The following GPT variants were observed in gnomAD, a reference collection of about 807,000 sequenced individuals.
GPT encodes alanine aminotransferase 1.
In GPT, 60 loss-of-function variants were observed where a neutral mutation model predicts 51.4. The observed-to-expected ratio is 1.17, with a 90% CI of 0.95 to 1.45. The LOEUF (loss-of-function observed/expected upper bound fraction) is 1.45, where lower values mean the gene tolerates loss of function less well. Ranked by LOEUF, GPT falls within the 40% of genes most tolerant of loss-of-function variation. GPT has a pLI of 0.00. For missense variants in GPT, 853 were observed against 704.0 expected (o/e 1.21, Z -2.40); for synonymous variants, 397 against 303.1 (o/e 1.31, Z -3.22).
In GPT at chr8:144,504,481, C is replaced by A; in HGVS notation, c.162+15C>A. 6.2e-7 allele frequency: 1 copy of A among 1,606,966 alleles called. No individual in the cohort carries two copies. The highest frequency in any genetic ancestry group is 8.5e-7 in the Non-Finnish European group (1 of 1,178,552). The stretch of plus-strand genomic sequence containing the variant: ...AGCTGCGCCAGGTATGGCCCAGGGC[C>A]CCTCGCTGCCCTCCAGGTCACAATG... On this transcript the variant is annotated intron_variant, in intron 1 of 10. Coordinates refer to ENST00000394955, the MANE Select transcript of GPT (RefSeq NM_005309.3).
rs1158163216 is a variant in GPT at position 144,504,172 on chromosome 8, CT to C, written c.-131del. 4.3e-6 allele frequency: 4 copies of C among 939,496 alleles called. No homozygotes were observed. In the African/African-American group the frequency reaches 6.4e-5, roughly 15 times the overall value. 58.2% of individuals were successfully genotyped at this position (939,496 alleles called of 1,614,324 possible). On this transcript the variant is annotated 5_prime_UTR_variant, in exon 1 of 11. Transcript: ENST00000394955. ...CCAGCTGCGGTGAAGAGGGTGCTCTCTTGCCTGGAGTTCCCTCTGCTACGGC... is the reference window on the plus strand; with the variant it reads ...CCAGCTGCGGTGAAGAGGGTGCTCTCTGCCTGGAGTTCCCTCTGCTACGGC...
Position 144,505,038 on chromosome 8 carries a change from G to C in GPT, c.402G>C (p.Glu134Asp). The C allele has an allele frequency of 6.2e-7, 1 of 1,613,178 alleles. No homozygotes were observed. The highest frequency in any genetic ancestry group is 1.1e-5 in the South Asian group (1 of 91,086). ...GCTCCGGCATCCAGCTGATCCGGGAGGACGTGGCGCGGTACATTGAGAGGC... is the reference window on the plus strand; with the variant it reads ...GCTCCGGCATCCAGCTGATCCGGGACGACGTGGCGCGGTACATTGAGAGGC... Reference protein sequence around the residue: ...SVSSGIQLIREDVARYIERRD... With the variant: ...SVSSGIQLIRDDVARYIERRD... Residue 134 changes from glutamate to aspartate, a missense_variant, in exon 4 of 11, where the codon GAG (glutamate) becomes GAC (aspartate). Physicochemically the swap from Glu to Asp is conservative, Grantham distance 45. Transcript: ENST00000394955.
chr8:144,507,114 G>GGGGGGGGGGGGGGGGGGGGGGCCC lies in GPT; in HGVS notation c.*114_*115insGGGGGGGGGGGGGGGGGGGGGCCC. The GGGGGGGGGGGGGGGGGGGGGGCCC allele has an allele frequency of 6.0e-6, 3 of 498,332 alleles. 1 individual carries two copies. Among genetic ancestry groups the GGGGGGGGGGGGGGGGGGGGGGCCC allele is most frequent in the Non-Finnish European group, 1.2e-5 (3 of 254,518 alleles). The allele number at this position is 498,332 out of a possible 1,614,324, so 30.9% of individuals were successfully genotyped here. A position where few individuals can be genotyped will look rare whatever the true frequency, so the allele number is the denominator to read the frequency against. ...TGCCTGGCGGGGTGGGGTGGGGGGG[G>GGGGGGGGGGGGGGGGGGGGGGCCC]TGCTGGGCCCCTGCCTCTCTGCAGG... is the stretch of plus-strand genomic sequence containing the variant. On this transcript the variant is annotated 3_prime_UTR_variant, in exon 11 of 11. Coordinates refer to ENST00000394955, the MANE Select transcript of GPT (RefSeq NM_005309.3).
chr8:144,506,695 G>GGCC lies in GPT; in HGVS notation c.1288-36_1288-35insGCC. On this transcript the variant is annotated intron_variant, in intron 9 of 10. Transcript: ENST00000394955. The surrounding 1 kb of genome is among the most constrained non-coding windows in gnomAD (Gnocchi z 7.0). ...GGGGCCTGCGGGGTGGGCAGGGGGG[G>GGCC]CCGGGCATCCCTCTCTGACGGCTCT... 6.7e-7 allele frequency: 1 copy of GGCC among 1,498,210 alleles called. No homozygotes were observed. The highest frequency in any genetic ancestry group is 9.2e-7 in the Non-Finnish European group (1 of 1,082,324). The allele number at this position is 1,498,210 out of a possible 1,614,324, so 92.8% of individuals were successfully genotyped here. A position where few individuals can be genotyped will look rare whatever the true frequency, so the allele number is the denominator to read the frequency against.
In GPT at chr8:144,504,255, C is replaced by T. The variant is rs2130611012; in HGVS notation, c.-50C>T. On this transcript the variant is annotated 5_prime_UTR_variant, in exon 1 of 11. Transcript: ENST00000394955. ...GACCCAGCTGTCGCCATTCCCACTT[C>T]TGGTCCTGCCACCTCCTGAGCTGCC... The T allele has an allele frequency of 1.3e-6, 2 of 1,590,406 alleles. No individual in the cohort carries two copies. The highest frequency in any genetic ancestry group is 2.2e-5 in the East Asian group (1 of 44,582).
intron 5 of GPT, 110 bp downstream of exon 5, chr8:144,505,599 C>T: frequency 6.7e-6 from 2 of 300,076 alleles, no homozygotes; most frequent in Non-Finnish European, 1.1e-5. Flanking sequence ...CCCCGCCCCA[C>T]TCCCCCCGCG....
rs755869216 is a variant in GPT, at chr8:144,506,688, AG to A, written c.1288-36del. On this transcript the variant is annotated intron_variant, in intron 9 of 10. Transcript: ENST00000394955. This position sits in a 1 kb window ranked among gnomAD's most constrained non-coding sequence, Gnocchi z 7.0. Reference sequence around the variant, plus strand: ...CGGGGGCGGGGCCTGCGGGGTGGGCAGGGGGGGCCGGGCATCCCTCTCTGAC... The same window carrying A: ...CGGGGGCGGGGCCTGCGGGGTGGGCAGGGGGGCCGGGCATCCCTCTCTGAC... 7.8e-5 allele frequency: 72 copies of A among 925,586 alleles called. No homozygotes were observed. The highest frequency in any genetic ancestry group is 9.4e-5 in the Non-Finnish European group (59 of 625,996). 57.3% of individuals were successfully genotyped at this position (925,586 alleles called of 1,614,324 possible).
chr8:144,506,063 G>A lies in GPT; in HGVS notation c.888G>A (p.Met296Ile). The A allele has an allele frequency of 1.2e-6, 2 of 1,612,432 alleles. No individual in the cohort carries two copies. The highest frequency in any genetic ancestry group is 2.7e-5 in the African/African-American group (2 of 75,044). ...CATTCAAGAAGGTGCTCATGGAGAT[G>A]GGGCCGCCCTACGCCGGGCAGCAGG... ...FHSFKKVLME[M>I]GPPYAGQQEL... Residue 296 changes from methionine (M) to isoleucine (I), a missense_variant, in exon 7 of 11, where the codon ATG (methionine) becomes ATA (isoleucine). Coordinates refer to ENST00000394955, the MANE Select transcript of GPT (RefSeq NM_005309.3). The surrounding 1 kb of genome is among the most constrained non-coding windows in gnomAD (Gnocchi z 7.0).
At position 144,505,958 on chromosome 8, in the gene GPT, CA is replaced by C. The variant is rs55939267; in HGVS notation, c.819+33del. Reference sequence around the variant, plus strand: ...CGGCGCGGGGGAGCGGGAAGCCGGGCAACAGTCCGCCCCCGTGACGCCTTGC... The same window carrying C: ...CGGCGCGGGGGAGCGGGAAGCCGGGCACAGTCCGCCCCCGTGACGCCTTGC... On this transcript the variant is annotated intron_variant, in intron 6 of 10. Coordinates refer to ENST00000394955, the MANE Select transcript of GPT (RefSeq NM_005309.3). 49 of 1,611,998 alleles carry C rather than the reference CA, an allele frequency of 3.0e-5. No individual in the cohort carries two copies. In the Admixed American group the frequency reaches 8.2e-4, roughly 27 times the overall value.
chr8:144,505,169 G>A lies in GPT; in HGVS notation c.495+38G>A, dbSNP rs576608308. ...TGGGCACCAAGACATTCCTGACACT[G>A]CAGAGGGGGCGCCCAGGGTGGGGGA... On this transcript the variant is annotated intron_variant, in intron 4 of 10. Transcript: ENST00000394955. 6 of 1,612,796 alleles carry A rather than the reference G, an allele frequency of 3.7e-6. No homozygotes were observed. The South Asian group carries it at 5.5e-5, about 15-fold the overall frequency.
rs1054383694 is a variant in GPT at position 144,505,505 on chromosome 8, C to A, written c.739+16C>A. On this transcript the variant is annotated intron_variant, in intron 5 of 10. Coordinates refer to ENST00000394955, the MANE Select transcript of GPT (RefSeq NM_005309.3). ...AACCCCACCGGTGCGTTCCCCGCCG[C>A]CCCGCCCCACTCCCCCCGCGCCCAC... 6.5e-7 allele frequency: 1 copy of A among 1,532,242 alleles called. No individual in the cohort carries two copies. The highest frequency in any genetic ancestry group is 8.8e-7 in the Non-Finnish European group (1 of 1,141,906). 94.9% of individuals were successfully genotyped at this position (1,532,242 alleles called of 1,614,324 possible).
Position 144,504,257 on chromosome 8 carries a change from G to C in GPT, c.-48G>C, listed in dbSNP as rs1826672395. The C allele has an allele frequency of 6.3e-7, 1 of 1,591,760 alleles. No homozygotes were observed. The highest frequency in any genetic ancestry group is 1.1e-5 in the South Asian group (1 of 89,492). The stretch of plus-strand genomic sequence containing the variant: ...CCCAGCTGTCGCCATTCCCACTTCT[G>C]GTCCTGCCACCTCCTGAGCTGCCTT... On this transcript the variant is annotated 5_prime_UTR_variant, in exon 1 of 11. Transcript: ENST00000394955.
chr8:144,505,553 C>G (rs1216151294), intron 5 of GPT, 64 bp downstream of exon 5: 8 of 1,148,340 alleles, frequency 7.0e-6, no homozygotes, highest in Non-Finnish European at 9.5e-6. Context: ...GCCGCCCCGC[C>G]CCACTCCCCC....
chr8:144,505,189 G>T, intron 4 of GPT, 57 bp from the exon 5 acceptor site: 1 of 1,612,624 alleles, frequency 6.2e-7, no homozygotes, highest in South Asian at 1.1e-5. Flanking sequence ...CGCCCAGGGT[G>T]GGGGACAGGT....
intron 5 of GPT, 105 bp from the exon 6 acceptor site, chr8:144,505,743 G>C: frequency 9.8e-7 from 1 of 1,020,808 alleles, no homozygotes; most frequent in Non-Finnish European, 1.4e-6. Context: ...GCACCCACGT[G>C]CGCCCTGGCC....
chr8:144,505,512 C>T (rs1488337095), intron 5 of GPT, 23 bp downstream of exon 5: 1 of 1,522,170 alleles, frequency 6.6e-7, no homozygotes. Flanking sequence ...CCGCCCCGCC[C>T]CACTCCCCCC....
At chr8:144,505,954 C>G (rs377001173) in intron 6 of GPT, 27 bp downstream of exon 6, 305 of 1,611,806 alleles carry the variant, frequency 1.9e-4, no homozygotes, top group Non-Finnish European at 2.3e-4. Context: ...AGCGGGAAGC[C>G]GGGCAACAGT....
chr8:144,506,107 C>T lies in GPT; in HGVS notation c.932C>T (p.Ser311Phe). ...CAGCAGGAGCTTGCCTCCTTCCACT[C>T]CACCTCCAAGGGCTACATGGGCGAG... Reference protein sequence around the residue: ...AGQQELASFHSTSKGYMGECG... With the variant: ...AGQQELASFHFTSKGYMGECG... The change falls in exon 7 of 11, where the codon TCC (serine) becomes TTC (phenylalanine). Residue 311 changes from serine to phenylalanine, a missense_variant. Ser to Phe is a radical substitution (Grantham distance 155). Coordinates refer to ENST00000394955, the MANE Select transcript of GPT (RefSeq NM_005309.3). The surrounding 1 kb of genome is among the most constrained non-coding windows in gnomAD (Gnocchi z 7.0). 3.7e-6 allele frequency: 6 copies of T among 1,612,312 alleles called. No homozygotes were observed. The highest frequency in any genetic ancestry group is 5.1e-6 in the Non-Finnish European group (6 of 1,179,660).
At position 144,507,106 on chromosome 8, in the gene GPT, T is replaced by C; in HGVS notation, c.*106T>C. The C allele has an allele frequency of 6.2e-6, 1 of 161,086 alleles. No homozygotes were observed. The highest frequency in any genetic ancestry group is 1.3e-5 in the Non-Finnish European group (1 of 75,986). 10.0% of individuals were successfully genotyped at this position (161,086 alleles called of 1,614,324 possible). A position where few individuals can be genotyped will look rare whatever the true frequency, so the allele number is the denominator to read the frequency against. On this transcript the variant is annotated 3_prime_UTR_variant, in exon 11 of 11. Transcript: ENST00000394955. ...GCTCTTGATGCCTGGCGGGGTGGGG[T>C]GGGGGGGGTGCTGGGCCCCTGCCTC...
Sources: gnomAD v4.1 joint callset for allele counts on GRCh38, gnomAD v4.1.1 for gene constraint, Gnocchi (gnomAD v3.1) non-coding constraint, MANE v1.5 for transcripts, NCBI Gene and HGNC (gene_info 2026-07-23, HGNC 2026-07-21) for gene names.